The following PHACTR1 variants were observed in gnomAD, a reference collection of about 807,000 sequenced individuals.
PHACTR1 encodes RPEL repeat containing 1.
PHACTR1 carries 16 observed loss-of-function variants against 69.2 expected under a neutral mutation model. The observed-to-expected ratio is 0.23, with a 90% CI of 0.16 to 0.35. The LOEUF (loss-of-function observed/expected upper bound fraction) is 0.35. Ranked by LOEUF, PHACTR1 falls within the 10% of genes least tolerant of loss-of-function variation. The probability of loss-of-function intolerance (pLI) is 1.00; values close to 1 mark genes in which losing one functional copy is unlikely to be tolerated. For missense variants in PHACTR1, 510 were observed against 734.7 expected (o/e 0.69, Z 3.54); for synonymous variants, 312 against 284.5 (o/e 1.10, Z -0.97).
chr6:13,250,677 G>GT (rs1273668373), intron 10 of PHACTR1, among the ~76,000 whole-genome samples: 1 of 152,250 alleles, frequency 6.6e-6, no homozygotes, highest in Non-Finnish European at 1.5e-5. Flanking sequence ...GGTGTGAGAA[G>GT]TATGTTCCTG....
rs577730011 is a variant in PHACTR1 at position 12,972,410 on chromosome 6, C to G, written c.251-80955C>G. Among the ~76,000 whole-genome samples the G allele has an allele frequency of 2.5e-3, 378 of 152,240 alleles. 4 individuals are homozygous for G. Among genetic ancestry groups the G allele is most frequent in the Admixed American group, 0.013 (206 of 15,292 alleles). ...TTTCTGTTGCTGTTATAATAAATTACCACAAATTTAGTGGCCTAAAGCAAC... is the reference window on the plus strand; with the variant it reads ...TTTCTGTTGCTGTTATAATAAATTAGCACAAATTTAGTGGCCTAAAGCAAC... On this transcript the variant is annotated intron_variant, in intron 4 of 14. Transcript: ENST00000332995.
chr6:13,286,157 A>G lies in PHACTR1; in HGVS notation c.1662A>G (p.Arg554=). ...RLTAADKAAI[R]KELNEFKSTE... is the part of the protein sequence containing the mutation. ...TCTGTTGATTCCAGGCTGCCATCCG[A>G]AAGGAGCTCAATGAATTCAAAAGCA... The change falls in exon 14 of 15, where the codon CGA becomes CGG. Residue 554 remains arginine (R), a synonymous_variant. Coordinates refer to ENST00000332995, the MANE Select transcript of PHACTR1 (RefSeq NM_030948.6). The G allele has an allele frequency of 6.2e-7, 1 of 1,605,658 alleles. No individual in the cohort carries two copies. The highest frequency in any genetic ancestry group is 8.5e-7 in the Non-Finnish European group (1 of 1,176,554).
At chr6:12,975,423 G>A (rs968745369) in intron 4 of PHACTR1, among the ~76,000 whole-genome samples, 23 of 152,082 alleles carry the variant, frequency 1.5e-4, no homozygotes, top group Non-Finnish European at 4.4e-5. Flanking sequence ...ACTTCACTCT[G>A]CAAAAATCTG....
In PHACTR1 at chr6:13,195,757, C is replaced by CAAAAA. The variant is rs869092852; in HGVS notation, c.665-10039_665-10035dup. Among the ~76,000 whole-genome samples, 137 of 41,494 alleles carry CAAAAA rather than the reference C, an allele frequency of 3.3e-3. 18 individuals are homozygous for CAAAAA. Among genetic ancestry groups the CAAAAA allele is most frequent in the East Asian group, 7.4e-3 (26 of 3,512 alleles). 27.2% of individuals were successfully genotyped at this position (41,494 alleles called of 152,430 possible). A position where few individuals can be genotyped will look rare whatever the true frequency, so the allele number is the denominator to read the frequency against. On this transcript the variant is annotated intron_variant, in intron 7 of 14. Transcript: ENST00000332995. The stretch of plus-strand genomic sequence containing the variant: ...TGGGCGACAGAGAGAGACACCGTCT[C>CAAAAA]AAAAAAAAAAAAAAAAAAAAAAAGT...
At chr6:12,879,645 A>T (rs1053282598) in intron 4 of PHACTR1, among the ~76,000 whole-genome samples, 8 of 152,202 alleles carry the variant, frequency 5.3e-5, no homozygotes, top group African/African-American at 1.9e-4. Flanking sequence ...TAGCCAACAC[A>T]TATTGAGTAT....
At chr6:12,938,284 G>T (rs982760918) in intron 4 of PHACTR1, among the ~76,000 whole-genome samples, 1 of 152,158 alleles carries the variant, frequency 6.6e-6, no homozygotes, top group Admixed American at 6.5e-5. Flanking sequence ...AGGTTACACA[G>T]ATAGTGCATA....
intron 4 of PHACTR1, among the ~76,000 whole-genome samples, chr6:12,839,793 A>G (rs1778512217): frequency 6.6e-6 from 1 of 152,206 alleles, no homozygotes; most frequent in Non-Finnish European, 1.5e-5. Flanking sequence ...ATGCTGAGTA[A>G]CATTTCACAC....
intron 14 of PHACTR1, 140 bp downstream of exon 14, chr6:13,286,362 G>A (rs1252783029): frequency 1.5e-6 from 1 of 688,526 alleles, no homozygotes; most frequent in Non-Finnish European, 2.3e-6. Flanking sequence ...CAGGCATGCG[G>A]TTCCACTTTA....
chr6:12,866,667 T>G (rs999226115), intron 4 of PHACTR1, among the ~76,000 whole-genome samples: 1 of 152,184 alleles, frequency 6.6e-6, no homozygotes, highest in Non-Finnish European at 1.5e-5. Context: ...ATATTCACAA[T>G]GGTTAAGGAG....
At chr6:12,920,809 T>C (rs1787560045) in intron 4 of PHACTR1, among the ~76,000 whole-genome samples, 2 of 152,206 alleles carry the variant, frequency 1.3e-5, no homozygotes. Context: ...CTTTTGGGGA[T>C]GGATGGGGAT....
intron 4 of PHACTR1, among the ~76,000 whole-genome samples, chr6:12,883,889 T>A (rs1041433002): frequency 2.0e-5 from 3 of 152,270 alleles, no homozygotes; most frequent in Middle Eastern, 3.4e-3. Context: ...CCAGTATATG[T>A]ATTTCTTCAT....
At chr6:12,840,205 A>G (rs954799537) in intron 4 of PHACTR1, among the ~76,000 whole-genome samples, 1 of 152,196 alleles carries the variant, frequency 6.6e-6, no homozygotes, top group Non-Finnish European at 1.5e-5. Context: ...CTGATTACAG[A>G]TCACTGACTT....
At chr6:13,172,612 A>G (rs1760774257) in intron 6 of PHACTR1, among the ~76,000 whole-genome samples, 1 of 152,230 alleles carries the variant, frequency 6.6e-6, no homozygotes, top group Non-Finnish European at 1.5e-5. Flanking sequence ...CCCAGGGTCA[A>G]TGTCTTTGCC....
chr6:12,989,385 G>T (rs1796558400), intron 4 of PHACTR1, among the ~76,000 whole-genome samples: 1 of 152,160 alleles, frequency 6.6e-6, no homozygotes, highest in South Asian at 2.1e-4. Flanking sequence ...GAATAACTTT[G>T]GGTAGTCAAG....
intron 4 of PHACTR1, among the ~76,000 whole-genome samples, chr6:12,985,994 C>T (rs982622182): frequency 6.6e-6 from 1 of 152,032 alleles, no homozygotes; most frequent in Non-Finnish European, 1.5e-5. Context: ...TGCCACCATG[C>T]CCGGCTAATT....
At position 13,230,105 on chromosome 6, in the gene PHACTR1, C is replaced by A. The variant is rs1770582606; in HGVS notation, c.1303C>A (p.Arg435=). The A allele has an allele frequency of 1.2e-6, 2 of 1,611,198 alleles. No homozygotes were observed. The highest frequency in any genetic ancestry group is 1.7e-6 in the Non-Finnish European group (2 of 1,178,810). The change falls in exon 10 of 15, where the codon CGA becomes AGA. Residue 435 remains arginine (R), a synonymous_variant. Coordinates refer to ENST00000332995, the MANE Select transcript of PHACTR1 (RefSeq NM_030948.6). ...CAAACTCAGCAACAGGCCCTCCAAG[C>A]GAGAGCTGGAAGAAAAGAACATCCT... is the stretch of plus-strand genomic sequence containing the variant. ...AIKLSNRPSK[R]ELEEKNILPR...
At chr6:12,894,503 G>A (rs1784457948) in intron 4 of PHACTR1, among the ~76,000 whole-genome samples, 1 of 152,250 alleles carries the variant, frequency 6.6e-6, no homozygotes, top group South Asian at 2.1e-4. Context: ...TACTTGGGAG[G>A]CTGAGGCATG....
intron 4 of PHACTR1, among the ~76,000 whole-genome samples, chr6:12,924,968 A>G (rs748419866): frequency 2.7e-4 from 41 of 152,130 alleles, no homozygotes; most frequent in Non-Finnish European, 4.9e-4. Flanking sequence ...CATACCATTT[A>G]TGACAGAAAT....
intron 5 of PHACTR1, among the ~76,000 whole-genome samples, chr6:13,096,094 G>GT (rs140595818): frequency 0.012 from 1,778 of 152,126 alleles, 40 homozygotes; most frequent in African/African-American, 0.04. Flanking sequence ...TAACTTTTGA[G>GT]TTTTATGTCA....
Sources: gnomAD v4.1 joint callset for allele counts (sites outside exome capture counted in the v4.1 genomes callset) on GRCh38, gnomAD v4.1.1 for gene constraint, MANE v1.5 for transcripts, NCBI Gene and HGNC (gene_info 2026-07-23, HGNC 2026-07-21) for gene names.